Variants in SMAD7 observed in about 807,000 individuals in gnomAD.
The protein encoded by SMAD7 is MAD (mothers against decapentaplegic, Drosophila) homolog 7.
Under a neutral mutation model 38.7 loss-of-function variants are expected in SMAD7, and 8 were observed. The observed-to-expected ratio is 0.21, with a 90% confidence interval of 0.12 to 0.37. The LOEUF (loss-of-function observed/expected upper bound fraction) is 0.37. SMAD7 is among the 10% of genes least tolerant of loss of function. SMAD7 has a pLI of 1.00. For synonymous variants in SMAD7, 327 were observed against 265.1 expected, an observed-to-expected ratio of 1.23 and a Z score of -2.27; for missense variants, 477 against 577.9, an observed-to-expected ratio of 0.83 and a Z score of 1.79.
intron 2 of SMAD7, among the ~76,000 whole-genome samples, chr18:48,945,254 A>T (rs1480368456): frequency 6.6e-6 from 1 of 152,168 alleles, no homozygotes; most frequent in Admixed American, 6.5e-5. Flanking sequence ...CGAGGTCAGG[A>T]GATCGAGACC....
chr18:48,933,103 C>T (rs567589671), intron 3 of SMAD7, among the ~76,000 whole-genome samples: 6 of 152,230 alleles, frequency 3.9e-5, no homozygotes, highest in East Asian at 1.9e-4. Context: ...GGTGGGGAGG[C>T]GGGCTGGAAC....
intron 3 of SMAD7, among the ~76,000 whole-genome samples, chr18:48,937,711 G>A (rs1197130304): frequency 6.6e-6 from 1 of 152,158 alleles, no homozygotes; most frequent in Non-Finnish European, 1.5e-5. Context: ...AGAGGCAGAA[G>A]GTGTCCCCTG....
intron 1 of SMAD7, 98 bp from the exon 2 acceptor site, chr18:48,948,535 C>T (rs991148565): frequency 7.7e-5 from 66 of 861,610 alleles, no homozygotes; most frequent in Non-Finnish European, 1.1e-4. Flanking sequence ...AACTGTTTGT[C>T]TTAGCTGTGG....
At position 48,934,596 on chromosome 18, in the gene SMAD7, C is replaced by G. The variant is rs887377777; in HGVS notation, c.742+7885G>C. 2.0e-5 allele frequency among the ~76,000 whole-genome samples: 3 copies of G among 152,050 alleles called. No homozygotes were observed. In the East Asian group the frequency reaches 5.8e-4, roughly 29 times the overall value. Reference sequence around the variant, plus strand: ...TGGCCTTACCATTTGGGGAAGGAAGCTGAAAAAGTCATGAAAGATTCTTTA... The same window carrying G: ...TGGCCTTACCATTTGGGGAAGGAAGGTGAAAAAGTCATGAAAGATTCTTTA... On this transcript the variant is annotated intron_variant, in intron 3 of 3. Coordinates refer to ENST00000262158, the MANE Select transcript of SMAD7 (RefSeq NM_005904.4).
chr18:48,939,845 C>T, intron 3 of SMAD7, among the ~76,000 whole-genome samples: 1 of 149,602 alleles, frequency 6.7e-6, no homozygotes, highest in East Asian at 2.0e-4. Context: ...CACCCCCCAA[C>T]CTCAGTGTCT....
chr18:48,945,209 C>T (rs1255718625), intron 2 of SMAD7, among the ~76,000 whole-genome samples: 2 of 152,150 alleles, frequency 1.3e-5, no homozygotes, highest in African/African-American at 2.4e-5. Flanking sequence ...GCCTGTAATC[C>T]CAGCACTTTG....
At position 48,921,222 on chromosome 18, in the gene SMAD7, G is replaced by A. The variant is rs1224702887; in HGVS notation, c.*150C>T. The A allele has an allele frequency of 2.1e-5, 14 of 657,422 alleles. No individual in the cohort carries two copies. The highest frequency in any genetic ancestry group is 3.0e-5 in the Admixed American group (1 of 33,508). The allele number at this position is 657,422 out of a possible 1,614,324, so 40.7% of individuals were successfully genotyped here. On this transcript the variant is annotated 3_prime_UTR_variant, in exon 4 of 4. Coordinates refer to ENST00000262158, the MANE Select transcript of SMAD7 (RefSeq NM_005904.4). The surrounding 1 kb of genome is among the most constrained non-coding windows in gnomAD (Gnocchi z 6.4). ...GAGCGAAACAAAACAGAACACAAAC[G>A]AGGACGAGAAGAAGAAAACCAACCA...
At chr18:48,930,711 G>C (rs1378047060) in intron 3 of SMAD7, among the ~76,000 whole-genome samples, 1 of 114,956 alleles carries the variant, frequency 8.7e-6, no homozygotes, top group Non-Finnish European at 2.1e-5. Flanking sequence ...CATGCGATCG[G>C]TGTGTGCCGA....
At chr18:48,928,654 C>T (rs2069957017) in intron 3 of SMAD7, among the ~76,000 whole-genome samples, 1 of 152,048 alleles carries the variant, frequency 6.6e-6, no homozygotes, top group South Asian at 2.1e-4. Context: ...TTTCGCAGAT[C>T]CTGCTGGTCT....
intron 3 of SMAD7, among the ~76,000 whole-genome samples, chr18:48,936,416 C>T (rs569425534): frequency 2.0e-5 from 3 of 152,340 alleles, no homozygotes; most frequent in African/African-American, 7.2e-5. Flanking sequence ...GTGAACTGTG[C>T]AACCATCACC....
intron 2 of SMAD7, 190 bp from the exon 3 acceptor site, chr18:48,942,745 T>C (rs1275138047): frequency 7.6e-6 from 11 of 1,445,298 alleles, no homozygotes; most frequent in Non-Finnish European, 9.9e-6. Context: ...CCACAGCACC[T>C]TGTCACCCGT....
rs2069861479 is a variant in SMAD7 at position 48,921,607 on chromosome 18, T to A, written c.1046A>T (p.Asn349Ile). 1 of 1,613,536 alleles carries A rather than the reference T, an allele frequency of 6.2e-7. No individual in the cohort carries two copies. Among genetic ancestry groups the A allele is most frequent in the Non-Finnish European group, 8.5e-7 (1 of 1,179,556 alleles). ...PIFIKSATLD[N>I]PDSRTLLVHK... The stretch of plus-strand genomic sequence containing the variant: ...TACCAACAGCGTCCTGGAGTCCGGG[T>A]TGTCCAGTGTGGCGGACTTGATGAA... Residue 349 changes from asparagine to isoleucine, a missense_variant, in exon 4 of 4, where the codon AAC becomes ATC. Physicochemically the swap from Asn to Ile is moderately radical, Grantham distance 149. Coordinates refer to ENST00000262158, the MANE Select transcript of SMAD7 (RefSeq NM_005904.4). The surrounding 1 kb of genome is among the most constrained non-coding windows in gnomAD (Gnocchi z 6.4).
At chr18:48,932,826 C>T (rs745339966) in intron 3 of SMAD7, among the ~76,000 whole-genome samples, 71 of 152,198 alleles carry the variant, frequency 4.7e-4, no homozygotes, top group African/African-American at 1.5e-3. Flanking sequence ...AGATGGTCTT[C>T]GTTGCGAATC....
At chr18:48,926,504 G>A (rs551491470) in intron 3 of SMAD7, among the ~76,000 whole-genome samples, 14 of 152,350 alleles carry the variant, frequency 9.2e-5, no homozygotes, top group Admixed American at 8.5e-4. Flanking sequence ...GTCCAACAGG[G>A]CCACGGGCCT....
At chr18:48,944,382 C>G (rs1418319019) in intron 2 of SMAD7, among the ~76,000 whole-genome samples, 2 of 152,226 alleles carry the variant, frequency 1.3e-5, no homozygotes, top group Non-Finnish European at 2.9e-5. Flanking sequence ...CATCTCAGAT[C>G]AAAGGTAAGC....
In SMAD7 at chr18:48,920,013, T is replaced by C. The variant is rs1289374367; in HGVS notation, c.*1359A>G. The C allele has an allele frequency of 6.6e-6, 1 of 152,382 alleles. No homozygotes were observed. The highest frequency in any genetic ancestry group is 1.5e-5 in the Non-Finnish European group (1 of 67,852). 9.4% of individuals were successfully genotyped at this position (152,382 alleles called of 1,614,324 possible). A position where few individuals can be genotyped will look rare whatever the true frequency, so the allele number is the denominator to read the frequency against. ...TTATATTAAAGCAAAGTGCATCTTT[T>C]CTTTATTTTTCTTGTTTATACACAT... is the stretch of plus-strand genomic sequence containing the variant. On this transcript the variant is annotated 3_prime_UTR_variant, in exon 4 of 4. Transcript: ENST00000262158.
chr18:48,938,805 G>A (rs1277725190), intron 3 of SMAD7, among the ~76,000 whole-genome samples: 2 of 152,128 alleles, frequency 1.3e-5, no homozygotes, highest in Non-Finnish European at 1.5e-5. Flanking sequence ...CTCCACGACG[G>A]AGCTGAGCCT....
In SMAD7 at chr18:48,941,881, T is replaced by TGTGAGCCCC. The variant is rs2070144133; in HGVS notation, c.742+599_742+600insGGGGCTCAC. Among the ~76,000 whole-genome samples, 45 of 152,076 alleles carry TGTGAGCCCC rather than the reference T, an allele frequency of 3.0e-4. 2 individuals carry two copies. The East Asian group carries it at 7.0e-3, about 24-fold the overall frequency. On this transcript the variant is annotated intron_variant, in intron 3 of 3. Transcript: ENST00000262158. ...GGCCTTCACGCATACCTGTGAGCCC[T>TGTGAGCCCC]GAGGAAAACCTGCCCCGCTAGGGAA...
At chr18:48,931,956 C>A (rs908759914) in intron 3 of SMAD7, among the ~76,000 whole-genome samples, 1 of 144,394 alleles carries the variant, frequency 6.9e-6, no homozygotes, top group Non-Finnish European at 1.5e-5. Flanking sequence ...GCCCCACGAT[C>A]CTGGGCTCTT....
Sources: allele counts gnomAD v4.1 joint callset (sites outside exome capture counted in the v4.1 genomes callset), GRCh38; gene constraint gnomAD v4.1.1; non-coding constraint Gnocchi (gnomAD v3.1); transcripts MANE v1.5; gene names NCBI Gene and HGNC (gene_info 2026-07-23, HGNC 2026-07-21).